The following CACNA1I variants were observed in gnomAD, a reference collection of about 807,000 sequenced individuals.
CACNA1I encodes voltage-dependent T-type calcium channel subunit alpha-1I.
Under a neutral mutation model 201.6 loss-of-function variants are expected in CACNA1I, and 74 were observed. The ratio of observed to expected loss-of-function variants is 0.37; its 90% confidence interval spans 0.30 to 0.45. The LOEUF (loss-of-function observed/expected upper bound fraction) is 0.45. Among genes scored for constraint, CACNA1I ranks in the 20% least tolerant of loss-of-function variants. The probability of loss-of-function intolerance (pLI) is 1.00; values close to 1 mark genes in which losing one functional copy is unlikely to be tolerated. For synonymous variants in CACNA1I, 1,431 were observed against 1,345.2 expected, an observed-to-expected ratio of 1.06 and a Z score of -1.40; for missense variants, 2,346 against 3,138.1, an observed-to-expected ratio of 0.75 and a Z score of 6.03.
rs1036796170 is a variant in CACNA1I, at chr22:39,635,456, G to A, written c.740+732G>A. On this transcript the variant is annotated intron_variant, in intron 5 of 36. Coordinates refer to ENST00000402142, the MANE Select transcript of CACNA1I (RefSeq NM_021096.4). ...ATGGACCGAGGTGACTGTAGGAAGC[G>A]TGGGGACGTGGGGACACTGTACAGG... Among the ~76,000 whole-genome samples, 6 of 152,192 alleles carry A rather than the reference G, an allele frequency of 3.9e-5. No individual in the cohort carries two copies. In the East Asian group the frequency reaches 1.2e-3, roughly 29 times the overall value.
Position 39,659,560 on chromosome 22 carries a change from C to A in CACNA1I, c.2448+10C>A. 1.2e-6 allele frequency: 2 copies of A among 1,604,580 alleles called. No individual in the cohort carries two copies. Among genetic ancestry groups the A allele is most frequent in the Non-Finnish European group, 1.7e-6 (2 of 1,172,892 alleles). ...CGTCACTGTGTTCCAGGTGAGTGGC[C>A]GCTGCGTGTTCATGTTTGCTGGGGA... On this transcript the variant is annotated intron_variant, in intron 13 of 36. Coordinates refer to ENST00000402142, the MANE Select transcript of CACNA1I (RefSeq NM_021096.4). The surrounding 1 kb of genome is among the most constrained non-coding windows in gnomAD (Gnocchi z 4.3).
In CACNA1I at chr22:39,685,919, C is replaced by T. The variant is rs1240736216; in HGVS notation, c.6186C>T (p.Ala2062=). 4.9e-5 allele frequency: 64 copies of T among 1,318,514 alleles called. No homozygotes were observed. Among genetic ancestry groups the T allele is most frequent in the Middle Eastern group, 2.9e-4 (1 of 3,500 alleles). 81.7% of individuals were successfully genotyped at this position (1,318,514 alleles called of 1,614,324 possible). A position where few individuals can be genotyped will look rare whatever the true frequency, so the allele number is the denominator to read the frequency against. Residue 2062 remains alanine (A), a synonymous_variant, in exon 37 of 37, where the codon GCC becomes GCT. Coordinates refer to ENST00000402142, the MANE Select transcript of CACNA1I (RefSeq NM_021096.4). The surrounding 1 kb of genome is among the most constrained non-coding windows in gnomAD (Gnocchi z 5.0). ...GACCCCGGGCCGGCCTGTCCCCCGC[C>T]GCTCGCCGCCGCCTGAGCCTGCGCG... ...APGPRAGLSP[A]ARRRLSLRGR... is the part of the protein sequence containing the mutation.
At chr22:39,643,874 GC>G (rs1934409318) in intron 7 of CACNA1I, among the ~76,000 whole-genome samples, 1 of 152,246 alleles carries the variant, frequency 6.6e-6, no homozygotes, top group East Asian at 1.9e-4. Flanking sequence ...ACTGCACCAG[GC>G]CCTGAGCCAA....
chr22:39,671,476 G>A (rs1303615825), intron 26 of CACNA1I, among the ~76,000 whole-genome samples: 1 of 152,140 alleles, frequency 6.6e-6, no homozygotes, highest in East Asian at 1.9e-4. Context: ...ATATGGAGAC[G>A]AGGCAAAAGG....
intron 1 of CACNA1I, among the ~76,000 whole-genome samples, chr22:39,579,035 C>T (rs1303804142): frequency 6.6e-6 from 1 of 152,266 alleles, no homozygotes; most frequent in African/African-American, 2.4e-5. Flanking sequence ...TACGTGGGCC[C>T]TGCCCTTCTG....
At chr22:39,595,900 C>A (rs1222861331) in intron 1 of CACNA1I, among the ~76,000 whole-genome samples, 1 of 151,348 alleles carries the variant, frequency 6.6e-6, no homozygotes, top group Non-Finnish European at 1.5e-5. Flanking sequence ...GTGGCAGAGA[C>A]AATGAGCATG....
intron 20 of CACNA1I, 52 bp downstream of exon 20, chr22:39,664,211 G>C: frequency 6.7e-7 from 1 of 1,483,372 alleles, no homozygotes; most frequent in Non-Finnish European, 9.3e-7. Flanking sequence ...CGGGCCCCTG[G>C]CCCTGGGTCA....
In CACNA1I at chr22:39,677,094, G is replaced by A. The variant is rs1257791985; in HGVS notation, c.4855-247G>A. Among the ~76,000 whole-genome samples, 1 of 152,204 alleles carries A rather than the reference G, an allele frequency of 6.6e-6. No individual in the cohort carries two copies. Among genetic ancestry groups the A allele is most frequent in the African/African-American group, 2.4e-5 (1 of 41,452 alleles). ...AGTGAGCTCATGAACCTTAAGTGCT[G>A]GAAATGGGACAGCTTGTGGTAAAGG... On this transcript the variant is annotated intron_variant, in intron 29 of 36. Coordinates refer to ENST00000402142, the MANE Select transcript of CACNA1I (RefSeq NM_021096.4). This position sits in a 1 kb window ranked among gnomAD's most constrained non-coding sequence, Gnocchi z 4.8.
chr22:39,593,562 G>A (rs1481978346), intron 1 of CACNA1I, among the ~76,000 whole-genome samples: 1 of 152,222 alleles, frequency 6.6e-6, no homozygotes, highest in South Asian at 2.1e-4. Context: ...TGGAGAAAGC[G>A]AGTGCTGAGG....
In CACNA1I at chr22:39,685,886, T is replaced by G. The variant is rs1846257679; in HGVS notation, c.6153T>G (p.Pro2051=). 6.9e-7 allele frequency: 1 copy of G among 1,455,288 alleles called. No individual in the cohort carries two copies. The allele number at this position is 1,455,288 out of a possible 1,614,324, so 90.1% of individuals were successfully genotyped here. ...GGCGTGCCCTGGGGCCGCCCGCGCC[T>G]GCTCCAGGACCCCGGGCCGGCCTGT... The part of the protein sequence containing the change: ...SPRRALGPPA[P]APGPRAGLSP... The change falls in exon 37 of 37, where the codon CCT becomes CCG. Residue 2051 remains proline, a synonymous_variant. Coordinates refer to ENST00000402142, the MANE Select transcript of CACNA1I (RefSeq NM_021096.4). The surrounding 1 kb of genome is among the most constrained non-coding windows in gnomAD (Gnocchi z 5.0).
At chr22:39,644,457 A>G (rs1177729465) in intron 7 of CACNA1I, among the ~76,000 whole-genome samples, 1 of 152,124 alleles carries the variant, frequency 6.6e-6, no homozygotes, top group Non-Finnish European at 1.5e-5. Context: ...TATTGCTGCT[A>G]TTATTGGGTC....
chr22:39,585,128 C>T (rs1259125891), intron 1 of CACNA1I, among the ~76,000 whole-genome samples: 1 of 152,068 alleles, frequency 6.6e-6, no homozygotes, highest in Non-Finnish European at 1.5e-5. Context: ...GGTGCAATCT[C>T]GGCTCACCGC....
At chr22:39,572,431 G>A (rs9611200) in intron 1 of CACNA1I, among the ~76,000 whole-genome samples, 3 of 152,108 alleles carry the variant, frequency 2.0e-5, no homozygotes, top group African/African-American at 7.2e-5. Flanking sequence ...CTGGGATGTT[G>A]AGACTGGCTG....
At chr22:39,634,225 C>T (rs1934143547) in intron 4 of CACNA1I, among the ~76,000 whole-genome samples, 1 of 152,176 alleles carries the variant, frequency 6.6e-6, no homozygotes, top group African/African-American at 2.4e-5. Flanking sequence ...AATAAGAGTA[C>T]CAACCTCACA....
At position 39,659,215 on chromosome 22, in the gene CACNA1I, C is replaced by T; in HGVS notation, c.2330+99C>T. 2.1e-6 allele frequency: 3 copies of T among 1,434,196 alleles called. No individual in the cohort carries two copies. The highest frequency in any genetic ancestry group is 2.4e-5 in the East Asian group (1 of 41,544). 88.8% of individuals were successfully genotyped at this position (1,434,196 alleles called of 1,614,324 possible). On this transcript the variant is annotated intron_variant, in intron 12 of 36. Transcript: ENST00000402142. This position sits in a 1 kb window ranked among gnomAD's most constrained non-coding sequence, Gnocchi z 4.3. Reference sequence around the variant, plus strand: ...CACTGTGCTTCTCTGGACAAAGCCACCTGGACCTGGGTGTGAAGCCTGACA... The same window carrying T: ...CACTGTGCTTCTCTGGACAAAGCCATCTGGACCTGGGTGTGAAGCCTGACA...
chr22:39,616,155 G>C (rs141147158), intron 3 of CACNA1I, among the ~76,000 whole-genome samples: 38 of 152,308 alleles, frequency 2.5e-4, no homozygotes, highest in African/African-American at 9.1e-4. Flanking sequence ...TGTTGCTCCA[G>C]GCCTGCCCTA....
rs776033547 is a variant in CACNA1I, at chr22:39,665,850, TGA to T, written c.3979-27_3979-26del. 1.2e-6 allele frequency: 2 copies of T among 1,613,406 alleles called. No individual in the cohort carries two copies. The highest frequency in any genetic ancestry group is 2.7e-5 in the African/African-American group (2 of 74,908). ...CTCTCTGACTTGCAACCCTCACCTG[TGA>T]GAGCACCAACCTCACCCCCTTTCCC... On this transcript the variant is annotated intron_variant, in intron 22 of 36. Coordinates refer to ENST00000402142, the MANE Select transcript of CACNA1I (RefSeq NM_021096.4). The surrounding 1 kb of genome is among the most constrained non-coding windows in gnomAD (Gnocchi z 5.5).
In CACNA1I at chr22:39,631,754, A is replaced by G. The variant is rs1934070596; in HGVS notation, c.581-2811A>G. ...GCCTCCACCTCCTGTGCCAGTCTCC[A>G]GAGGCACTGAGGGCAGAGTGTAACT... On this transcript the variant is annotated intron_variant, in intron 4 of 36. Coordinates refer to ENST00000402142, the MANE Select transcript of CACNA1I (RefSeq NM_021096.4). Among the ~76,000 whole-genome samples the G allele has an allele frequency of 2.0e-5, 3 of 152,094 alleles. No individual in the cohort carries two copies. In the South Asian group the frequency reaches 6.2e-4, roughly 32 times the overall value.
At chr22:39,588,128 A>AT (rs35332612) in intron 1 of CACNA1I, among the ~76,000 whole-genome samples, 2,869 of 90,548 alleles carry the variant, frequency 0.032, 166 homozygotes, top group African/African-American at 0.043. Flanking sequence ...GTTGCTCTTC[A>AT]TTTTTTTTTT....
Sources: allele counts gnomAD v4.1 joint callset (sites outside exome capture counted in the v4.1 genomes callset), GRCh38; gene constraint gnomAD v4.1.1; non-coding constraint Gnocchi (gnomAD v3.1); transcripts MANE v1.5; gene names NCBI Gene and HGNC (gene_info 2026-07-23, HGNC 2026-07-21).